The following TECRL variants were observed in gnomAD, a reference collection of about 807,000 sequenced individuals.
The protein encoded by TECRL is trans-2,3-enoyl-CoA reductase-like.
TECRL carries 63 observed loss-of-function variants against 52.8 expected under a neutral mutation model. The ratio of observed to expected loss-of-function variants is 1.19; its 90% CI spans 0.97 to 1.47. The LOEUF (loss-of-function observed/expected upper bound fraction) is 1.47. Among genes scored for constraint, TECRL ranks in the 40% most tolerant of loss-of-function variants. The pLI is 0.00. For synonymous variants in TECRL, 164 were observed against 141.9 expected (o/e 1.16, Z -1.10); for missense variants, 482 against 429.6 (o/e 1.12, Z -1.08).
intron 2 of TECRL, among the ~76,000 whole-genome samples, chr4:64,346,821 C>T (rs1470575763): frequency 6.6e-6 from 1 of 152,220 alleles, no homozygotes; most frequent in Non-Finnish European, 1.5e-5. Flanking sequence ...CAAGTTTCTC[C>T]TAGTCTCCTG....
At chr4:64,294,150 C>A (rs1183896120) in intron 8 of TECRL, among the ~76,000 whole-genome samples, 1 of 151,690 alleles carries the variant, frequency 6.6e-6, no homozygotes, top group Non-Finnish European at 1.5e-5. Context: ...CCACGCCCAG[C>A]TAATTTTTGT....
rs920772506 is a variant in TECRL at position 64,318,759 on chromosome 4, A to G, written c.435+3930T>C. ...CAATAAAAGTTAATAAGGACATGTT[A>G]AGATAAACAAGAATGGAGATAATTC... On this transcript the variant is annotated intron_variant, in intron 4 of 11. Transcript: ENST00000381210. 5.9e-5 allele frequency among the ~76,000 whole-genome samples: 9 copies of G among 152,146 alleles called. No individual in the cohort carries two copies. In the South Asian group the frequency reaches 1.7e-3, roughly 28 times the overall value.
At chr4:64,298,514 T>G (rs1723817568) in intron 8 of TECRL, among the ~76,000 whole-genome samples, 1 of 151,254 alleles carries the variant, frequency 6.6e-6, no homozygotes. Flanking sequence ...ATATTTATAG[T>G]AACATAACTT....
chr4:64,379,674 C>A (rs1188693587), intron 1 of TECRL, among the ~76,000 whole-genome samples: 1 of 152,094 alleles, frequency 6.6e-6, no homozygotes, highest in Non-Finnish European at 1.5e-5. Flanking sequence ...ATACTCTGTA[C>A]CTTCATGAGA....
In TECRL at chr4:64,305,212, A is replaced by T; in HGVS notation, c.684T>A (p.Thr228=). ...GATTAATGTAGTAGGCAATCCAAGA[A>T]GTAAATCCCCAGTAAAAGGCACAAC... ...IMSCAFYWGF[T]SWIAYYINHP... is the part of the protein sequence containing the mutation. Residue 228 remains threonine (T), a synonymous_variant, in exon 7 of 12, where the codon ACT becomes ACA. Coordinates refer to ENST00000381210, the MANE Select transcript of TECRL (RefSeq NM_001010874.5). 6.2e-7 allele frequency: 1 copy of T among 1,613,052 alleles called. No individual in the cohort carries two copies. Among genetic ancestry groups the T allele is most frequent in the Non-Finnish European group, 8.5e-7 (1 of 1,179,324 alleles).
chr4:64,303,238 C>A (rs931657639), intron 7 of TECRL, among the ~76,000 whole-genome samples: 5 of 86,138 alleles, frequency 5.8e-5, no homozygotes, highest in Admixed American at 3.9e-4. Flanking sequence ...TGAAATTTTA[C>A]AGAAAAAAAA....
intron 1 of TECRL, among the ~76,000 whole-genome samples, chr4:64,401,616 A>G (rs1333323891): frequency 2.6e-5 from 4 of 152,138 alleles, no homozygotes; most frequent in Non-Finnish European, 5.9e-5. Context: ...TGTCTTTCCA[A>G]TTAAATTCAT....
At chr4:64,309,341 T>C (rs913695267) in intron 6 of TECRL, among the ~76,000 whole-genome samples, 1 of 152,180 alleles carries the variant, frequency 6.6e-6, no homozygotes, top group Non-Finnish European at 1.5e-5. Context: ...CCCATGTCAA[T>C]ATTTTACATA....
intron 1 of TECRL, among the ~76,000 whole-genome samples, chr4:64,408,559 TTAAA>T (rs762032496): frequency 4.6e-5 from 7 of 151,966 alleles, no homozygotes; most frequent in Non-Finnish European, 7.4e-5. Context: ...TTTCATGAAC[TTAAA>T]TAGTGTTTTT....
chr4:64,301,317 T>C (rs1724007001), intron 7 of TECRL, among the ~76,000 whole-genome samples: 1 of 151,176 alleles, frequency 6.6e-6, no homozygotes, highest in South Asian at 2.1e-4. Context: ...ACTTTTCTCT[T>C]AATGTTGTAC....
At chr4:64,311,358 G>A (rs1038305453) in intron 5 of TECRL, among the ~76,000 whole-genome samples, 1 of 152,138 alleles carries the variant, frequency 6.6e-6, no homozygotes, top group Admixed American at 6.5e-5. Flanking sequence ...ATGAATGTCT[G>A]GGGGAAGAGC....
intron 1 of TECRL, among the ~76,000 whole-genome samples, chr4:64,391,371 C>G (rs1438895481): frequency 1.3e-5 from 2 of 151,794 alleles, no homozygotes; most frequent in Non-Finnish European, 1.5e-5. Flanking sequence ...GTTTTCACAG[C>G]TGCAGACTTA....
At position 64,364,189 on chromosome 4, in the gene TECRL, A is replaced by T. The variant is rs187267250; in HGVS notation, c.286+10983T>A. Among the ~76,000 whole-genome samples, 183 of 151,868 alleles carry T rather than the reference A, an allele frequency of 1.2e-3. 1 individual carries two copies. Among genetic ancestry groups the T allele is most frequent in the Admixed American group, 0.011 (166 of 15,208 alleles). ...GGTAAATAATAAAATTAGGGCAGAA[A>T]TTTAAAAAAAAATCTTCAAAACTAG... On this transcript the variant is annotated intron_variant, in intron 2 of 11. Transcript: ENST00000381210.
At chr4:64,276,528 T>C (rs944091639), downstream of TECRL, 6 of 151,866 alleles carry the variant, frequency 4.0e-5, no homozygotes, top group South Asian at 2.1e-4. Context: ...TAAATAAATG[T>C]CATATTTTAT....
chr4:64,322,732 G>A lies in TECRL; in HGVS notation c.392C>T (p.Thr131Ile), dbSNP rs1347419956. 6.2e-7 allele frequency: 1 copy of A among 1,612,574 alleles called. No homozygotes were observed. Among genetic ancestry groups the A allele is most frequent in the Non-Finnish European group, 8.5e-7 (1 of 1,179,190 alleles). Reference protein sequence around the residue: ...IQSIAASSIVTLYATDLGQQV... With the variant: ...IQSIAASSIVILYATDLGQQV... ...TTGACCTAGGTCTGTAGCATACAGT[G>A]TGACAATGGAGGAAGCTGCAATACT... Residue 131 changes from threonine to isoleucine, a missense_variant, in exon 4 of 12, where the codon ACA becomes ATA. Physicochemically the swap from Thr to Ile is moderately conservative, Grantham distance 89 (BLOSUM62 -1). Transcript: ENST00000381210.
chr4:64,357,695 A>G (rs540620175), intron 2 of TECRL, among the ~76,000 whole-genome samples: 4 of 151,728 alleles, frequency 2.6e-5, no homozygotes, highest in Non-Finnish European at 4.4e-5. Flanking sequence ...GTAGAAAATA[A>G]AACTAGAAAT....
At chr4:64,293,997 A>ATT (rs905883613) in intron 8 of TECRL, among the ~76,000 whole-genome samples, 2 of 93,400 alleles carry the variant, frequency 2.1e-5, no homozygotes, top group East Asian at 3.7e-4. Context: ...ATATATATAT[A>ATT]TTTTTTGGAG....
rs549079340 is a variant in TECRL at position 64,289,463 on chromosome 4, ATAT to A, written c.832+244_832+246del. ...GTTCATTTATTTACATATTTAAGTG[ATAT>A]TGTTGTTTAGTGTGTGTGGGGAGGG... On this transcript the variant is annotated intron_variant, in intron 9 of 11. Coordinates refer to ENST00000381210, the MANE Select transcript of TECRL (RefSeq NM_001010874.5). Among the ~76,000 whole-genome samples, 37 of 152,100 alleles carry A rather than the reference ATAT, an allele frequency of 2.4e-4. No homozygotes were observed. The East Asian group carries it at 6.2e-3, about 25-fold the overall frequency.
chr4:64,380,990 G>T (rs1722753491), intron 1 of TECRL, among the ~76,000 whole-genome samples: 1 of 152,006 alleles, frequency 6.6e-6, no homozygotes, highest in African/African-American at 2.4e-5. Flanking sequence ...GGGTGGGGTG[G>T]TGTGGATATT....
Sources: gnomAD v4.1 joint callset for allele counts (sites outside exome capture counted in the v4.1 genomes callset) on GRCh38, gnomAD v4.1.1 for gene constraint, MANE v1.5 for transcripts, NCBI Gene and HGNC (gene_info 2026-07-23, HGNC 2026-07-21) for gene names.